MACF1: variants seen among roughly 807,000 people sequenced by gnomAD.
The protein encoded by MACF1 is microtubule actin crosslinking factor 1, also known as microtubule-actin cross-linking factor 1.
MACF1 carries 193 observed loss-of-function variants against 854.8 expected under a neutral mutation model. The ratio of observed to expected loss-of-function variants is 0.23; its 90% CI spans 0.20 to 0.25. The LOEUF (loss-of-function observed/expected upper bound fraction) is 0.25. Ranked by LOEUF, MACF1 falls within the 10% of genes least tolerant of loss-of-function variation. MACF1 has a pLI of 1.00. For missense variants in MACF1, 7,722 were observed against 8,929.1 expected, an observed-to-expected ratio of 0.86 and a Z score of 5.45; for synonymous variants, 3,185 against 3,226.7, an observed-to-expected ratio of 0.99 and a Z score of 0.44.
intron 2 of MACF1, among the ~76,000 whole-genome samples, chr1:39,128,174 T>C (rs754419963): frequency 6.6e-6 from 1 of 152,188 alleles, no homozygotes; most frequent in Admixed American, 6.5e-5. Flanking sequence ...TTACCTCTTA[T>C]TTATTTTTAT....
intron 68 of MACF1, among the ~76,000 whole-genome samples, chr1:39,433,414 C>T (rs1643908947): frequency 6.6e-6 from 1 of 152,206 alleles, no homozygotes; most frequent in Non-Finnish European, 1.5e-5. Context: ...CTTATCCTCA[C>T]TCCACAGGGA....
At chr1:39,299,571 A>G (rs1382520174) in intron 21 of MACF1, among the ~76,000 whole-genome samples, 2 of 152,200 alleles carry the variant, frequency 1.3e-5, no homozygotes, top group African/African-American at 2.4e-5. Context: ...CTTTCTAACC[A>G]ATCAAATTTA....
At chr1:39,311,723 G>C (rs1279168026) in intron 26 of MACF1, among the ~76,000 whole-genome samples, 1 of 152,192 alleles carries the variant, frequency 6.6e-6, no homozygotes, top group Non-Finnish European at 1.5e-5. Flanking sequence ...TTCAGTATAA[G>C]ATATAAGAAA....
At chr1:39,099,215 G>T (rs992250259) in intron 2 of MACF1, among the ~76,000 whole-genome samples, 1 of 152,194 alleles carries the variant, frequency 6.6e-6, no homozygotes, top group African/African-American at 2.4e-5. Flanking sequence ...GAATGCAATG[G>T]CACGATCTAG....
chr1:39,346,348 C>T (rs1268880928), intron 40 of MACF1, among the ~76,000 whole-genome samples: 4 of 151,640 alleles, frequency 2.6e-5, no homozygotes, highest in South Asian at 2.1e-4. Flanking sequence ...GGTGACAGAG[C>T]GAAACTCTGT....
chr1:39,300,331 T>C lies in MACF1; in HGVS notation c.2603T>C (p.Val868Ala). The C allele has an allele frequency of 6.2e-7, 1 of 1,613,938 alleles. No individual in the cohort carries two copies. The highest frequency in any genetic ancestry group is 8.5e-7 in the Non-Finnish European group (1 of 1,179,988). Residue 868 changes from valine to alanine, a missense_variant, in exon 22 of 101, where the codon GTC becomes GCC. Val to Ala is a moderately conservative substitution (Grantham distance 64). Around this residue, in one of 15 missense-constraint regions of MACF1, gnomAD observed 1,137 missense variants for 1,263.0 expected, o/e 0.90. Transcript: ENST00000564288. ...CATGTGTTAAAGAACACCATTTCTG[T>C]CAAGGCTGTCTGTGACTACAGGCAG... is the stretch of plus-strand genomic sequence containing the variant. ...PDHVLKNTIS[V>A]KAVCDYRQIE...
chr1:39,427,939 T>C, intron 62 of MACF1, 22 bp from the exon 63 acceptor site: 1 of 1,552,186 alleles, frequency 6.4e-7, no homozygotes, highest in Non-Finnish European at 8.8e-7. Flanking sequence ...CTGTTATTCA[T>C]TTTTTCCATC....
At chr1:39,207,656 G>A (rs1031926299) in intron 1 of MACF1, among the ~76,000 whole-genome samples, 1 of 152,082 alleles carries the variant, frequency 6.6e-6, no homozygotes, top group African/African-American at 2.4e-5. Flanking sequence ...TCAGGCTCTC[G>A]TCTCAATTTA....
At chr1:39,368,459 T>A in intron 50 of MACF1, 145 bp downstream of exon 50, 1 of 727,282 alleles carries the variant, frequency 1.4e-6, no homozygotes, top group Non-Finnish European at 2.2e-6. Flanking sequence ...AAAAGTGCCT[T>A]TTTTTAGGCA....
At chr1:39,098,804 T>C (rs1460272770) in intron 2 of MACF1, among the ~76,000 whole-genome samples, 2 of 152,076 alleles carry the variant, frequency 1.3e-5, no homozygotes, top group South Asian at 4.1e-4. Context: ...GCCTCTTAAA[T>C]TGAGATGTTG....
chr1:39,272,491 T>A (rs1645344139), intron 6 of MACF1, among the ~76,000 whole-genome samples: 1 of 152,252 alleles, frequency 6.6e-6, no homozygotes, highest in Non-Finnish European at 1.5e-5. Context: ...CAGCTGGCAG[T>A]CCAATTGAGT....
chr1:39,353,789 C>T (rs539970595), intron 44 of MACF1, among the ~76,000 whole-genome samples: 1 of 152,176 alleles, frequency 6.6e-6, no homozygotes, highest in East Asian at 1.9e-4. Flanking sequence ...ATTCCATTCT[C>T]TCTCTCACTC....
At chr1:39,350,649 C>G in intron 42 of MACF1, 136 bp from the exon 43 acceptor site, 1 of 596,640 alleles carries the variant, frequency 1.7e-6, no homozygotes. Context: ...TGATTTAAGC[C>G]TAAACCTGAA....
chr1:39,339,606 C>G (rs1327823737), intron 38 of MACF1, among the ~76,000 whole-genome samples: 1 of 152,090 alleles, frequency 6.6e-6, no homozygotes, highest in Non-Finnish European at 1.5e-5. Flanking sequence ...TAGGTACAGG[C>G]AAGGAATGAG....
At position 39,410,215 on chromosome 1, in the gene MACF1, C is replaced by T. The variant is rs535546333; in HGVS notation, c.15817-12159C>T. 28 of 1,363,450 alleles carry T rather than the reference C, an allele frequency of 2.1e-5. No individual in the cohort carries two copies. The South Asian group carries it at 3.4e-4, about 16-fold the overall frequency. 84.5% of individuals were successfully genotyped at this position (1,363,450 alleles called of 1,614,324 possible). ...TTATGTAGAATGCATTTGGGGGGAA[C>T]CTGTGAAAAATACTTTTGAAAGATT... On this transcript the variant is annotated intron_variant, in intron 58 of 100. Transcript: ENST00000564288.
intron 69 of MACF1, 81 bp from the exon 70 acceptor site, chr1:39,435,477 G>C: frequency 8.6e-7 from 1 of 1,159,598 alleles, no homozygotes; most frequent in Non-Finnish European, 1.2e-6. Context: ...TCTTAAAGTT[G>C]ATATTAGCTC....
rs757293726 is a variant in MACF1 at position 39,387,418 on chromosome 1, C to G, written c.14576C>G (p.Ser4859Cys). The G allele has an allele frequency of 1.2e-6, 2 of 1,614,042 alleles. No individual in the cohort carries two copies. Among genetic ancestry groups the G allele is most frequent in the African/African-American group, 1.3e-5 (1 of 74,902 alleles). ...SYEVIVAEGESLLLSVPPGEE... is the reference protein window; with the variant it reads ...SYEVIVAEGECLLLSVPPGEE... ...GAGGTGATTGTGGCTGAAGGGGAAT[C>G]TCTACTTCTTTCTGTACCTCCTGGA... Residue 4859 changes from serine (S) to cysteine (C), a missense_variant, in exon 58 of 101, where the codon TCT becomes TGT. By Grantham distance (112) the Ser-to-Cys change is moderately radical (BLOSUM62 -1). Coordinates refer to ENST00000564288, the MANE Select transcript of MACF1 (RefSeq NM_001394062.1).
chr1:39,202,636 A>G (rs889517025), upstream of MACF1, among the ~76,000 whole-genome samples: 6 of 145,236 alleles, frequency 4.1e-5, no homozygotes, highest in Non-Finnish European at 6.2e-5. Flanking sequence ...CTCTGTCTCA[A>G]AAAAAAAAAA....
At chr1:39,318,422 A>G (rs1329597026) in intron 29 of MACF1, 31 bp from the exon 30 acceptor site, 2 of 1,602,468 alleles carry the variant, frequency 1.2e-6, no homozygotes, top group Non-Finnish European at 8.5e-7. Flanking sequence ...GTACCAAGGT[A>G]TCTGATAGCA....
Sources: allele counts gnomAD v4.1 joint callset (sites outside exome capture counted in the v4.1 genomes callset), GRCh38; gene constraint gnomAD v4.1.1; regional missense constraint gnomAD v4.1.1; transcripts MANE v1.5; gene names NCBI Gene and HGNC (gene_info 2026-07-23, HGNC 2026-07-21).